COL22A1: variants seen among roughly 807,000 people sequenced by gnomAD.
The protein encoded by COL22A1 is collagen alpha-1(XXII) chain.
A neutral mutation model predicts 248.9 loss-of-function variants in COL22A1; 221 were observed. The ratio of observed to expected loss-of-function variants is 0.89; its 90% CI spans 0.80 to 0.99. The LOEUF (loss-of-function observed/expected upper bound fraction) is 0.99. Ranked by LOEUF, COL22A1 falls within the 50% of genes least tolerant of loss-of-function variation. COL22A1 has a pLI of 0.00. For synonymous variants in COL22A1, 891 were observed against 793.4 expected, an observed-to-expected ratio of 1.12 and a Z score of -2.07; for missense variants, 2,240 against 2,179.0, an observed-to-expected ratio of 1.03 and a Z score of -0.56.
chr8:138,773,303 C>T (rs774177661), intron 16 of COL22A1, among the ~76,000 whole-genome samples: 1 of 152,180 alleles, frequency 6.6e-6, no homozygotes, highest in Non-Finnish European at 1.5e-5. Flanking sequence ...CGGCTTCTGG[C>T]TGCCCCCCGA....
At chr8:138,851,068 C>T (rs1821603810) in intron 3 of COL22A1, among the ~76,000 whole-genome samples, 1 of 152,160 alleles carries the variant, frequency 6.6e-6, no homozygotes, top group African/African-American at 2.4e-5. Flanking sequence ...CACAGAACAG[C>T]ACAGAAGCCA....
chr8:138,734,233 T>A (rs1830935130), intron 23 of COL22A1, among the ~76,000 whole-genome samples: 3 of 152,222 alleles, frequency 2.0e-5, no homozygotes, highest in African/African-American at 7.2e-5. Context: ...CTTGCCTGAA[T>A]AAATATGAGA....
chr8:138,890,355 C>G (rs1334884046), intron 1 of COL22A1, among the ~76,000 whole-genome samples: 2 of 152,142 alleles, frequency 1.3e-5, no homozygotes, highest in African/African-American at 4.8e-5. Context: ...CAACATGCTA[C>G]TGGAAGTTCT....
intron 2 of COL22A1, among the ~76,000 whole-genome samples, chr8:138,878,714 T>C (rs553242677): frequency 6.6e-6 from 1 of 152,284 alleles, no homozygotes; most frequent in Admixed American, 6.5e-5. Context: ...CAAAAGATGT[T>C]TAGATGTTTT....
At chr8:138,635,219 T>C (rs948941021) in intron 48 of COL22A1, among the ~76,000 whole-genome samples, 156 bp from the exon 49 acceptor site, 1 of 152,254 alleles carries the variant, frequency 6.6e-6, no homozygotes, top group African/African-American at 2.4e-5. Flanking sequence ...CTTCTTTTTA[T>C]ATATCTCAAT....
rs574052124 is a variant in COL22A1, at chr8:138,871,346, C to T, written c.658+6404G>A. Among the ~76,000 whole-genome samples the T allele has an allele frequency of 3.9e-5, 6 of 152,320 alleles. No homozygotes were observed. The East Asian group carries it at 1.2e-3, about 29-fold the overall frequency. On this transcript the variant is annotated intron_variant, in intron 3 of 64. Transcript: ENST00000303045. ...CATGGCTGAGCCCCCAGTCCTGCCT[C>T]CTACAGATGAGAACAGTCCTGCTCC... is the stretch of plus-strand genomic sequence containing the variant.
chr8:138,605,003 G>T (rs1024553636), intron 58 of COL22A1, among the ~76,000 whole-genome samples: 3 of 152,136 alleles, frequency 2.0e-5, no homozygotes, highest in Non-Finnish European at 4.4e-5. Context: ...CCTTGTCAAT[G>T]GGATGGATAT....
intron 30 of COL22A1, among the ~76,000 whole-genome samples, chr8:138,710,505 A>G (rs993064638): frequency 8.6e-5 from 13 of 151,972 alleles, no homozygotes; most frequent in Admixed American, 7.2e-4. Context: ...CATTATTTCT[A>G]TTGTTATTTA....
chr8:138,864,859 T>G (rs1415908171), intron 3 of COL22A1, among the ~76,000 whole-genome samples: 3 of 152,118 alleles, frequency 2.0e-5, no homozygotes, highest in African/African-American at 7.2e-5. Context: ...TTCCCCAGAT[T>G]TGGGGGTCCA....
At chr8:138,620,377 A>C (rs558388240) in intron 52 of COL22A1, 4 of 149,852 alleles carry the variant, frequency 2.7e-5, no homozygotes, top group Non-Finnish European at 5.9e-5. Context: ...ATTATTGGGG[A>C]GTGGGGAGAG....
chr8:138,846,058 G>T (rs755990055), intron 3 of COL22A1, among the ~76,000 whole-genome samples: 1 of 152,108 alleles, frequency 6.6e-6, no homozygotes, highest in South Asian at 2.1e-4. Flanking sequence ...TATCCTCAAA[G>T]GCACCACCAG....
At chr8:138,773,360 G>A (rs1185956425) in intron 16 of COL22A1, among the ~76,000 whole-genome samples, 1 of 152,206 alleles carries the variant, frequency 6.6e-6, no homozygotes, top group Non-Finnish European at 1.5e-5. Context: ...AAGGCACTAG[G>A]AGTCTTCGGC....
At chr8:138,724,144 C>A (rs77958895) in intron 25 of COL22A1, among the ~76,000 whole-genome samples, 2 of 152,162 alleles carry the variant, frequency 1.3e-5, no homozygotes, top group Non-Finnish European at 2.9e-5. Context: ...TCTGGGGAGA[C>A]ATTAATGTTT....
chr8:138,703,684 C>T (rs1160372365), intron 30 of COL22A1, among the ~76,000 whole-genome samples: 2 of 152,148 alleles, frequency 1.3e-5, no homozygotes, highest in South Asian at 2.1e-4. Context: ...TGAATAGGAA[C>T]AGCTCCAGTC....
At chr8:138,849,936 A>G (rs1302471374) in intron 3 of COL22A1, among the ~76,000 whole-genome samples, 2 of 152,188 alleles carry the variant, frequency 1.3e-5, no homozygotes, top group Non-Finnish European at 2.9e-5. Context: ...TAATGTCAGC[A>G]TTACACACAG....
chr8:138,773,217 T>G (rs1228957624), intron 16 of COL22A1, among the ~76,000 whole-genome samples: 2 of 152,168 alleles, frequency 1.3e-5, no homozygotes, highest in African/African-American at 4.8e-5. Context: ...GGCCCCTGAG[T>G]GGCCTTCCCC....
chr8:138,754,660 C>T (rs138336236), intron 21 of COL22A1, among the ~76,000 whole-genome samples: 8 of 152,286 alleles, frequency 5.3e-5, no homozygotes, highest in Non-Finnish European at 1.2e-4. Context: ...TTTGGATGGC[C>T]GCTTCCCAAC....
Position 138,737,536 on chromosome 8 carries a change from C to A in COL22A1, c.2127G>T (p.Leu709Phe). Residue 709 changes from leucine to phenylalanine, a missense_variant, in exon 23 of 65, where the codon TTG (leucine) becomes TTT (phenylalanine). Coordinates refer to ENST00000303045, the MANE Select transcript of COL22A1 (RefSeq NM_152888.3). ...GDMGPPGIPG[L>F]LGLQGPPGPP... Reference sequence around the variant, plus strand: ...AAAAGGTAGTTACCTGCAGCCCCAGCAATCCAGGGATTCCAGGTGGTCCCA... The same window carrying A: ...AAAAGGTAGTTACCTGCAGCCCCAGAAATCCAGGGATTCCAGGTGGTCCCA... 1 of 1,610,122 alleles carries A rather than the reference C, an allele frequency of 6.2e-7. No individual in the cohort carries two copies. Among genetic ancestry groups the A allele is most frequent in the Non-Finnish European group, 8.5e-7 (1 of 1,176,478 alleles).
At chr8:138,660,583 A>C in intron 43 of COL22A1, 103 bp from the exon 44 acceptor site, 1 of 1,007,786 alleles carries the variant, frequency 9.9e-7, no homozygotes. Flanking sequence ...AGTGTAACTC[A>C]GTGGGGAAAA....
Sources: gnomAD v4.1 joint callset for allele counts (sites outside exome capture counted in the v4.1 genomes callset) on GRCh38, gnomAD v4.1.1 for gene constraint, MANE v1.5 for transcripts, NCBI Gene and HGNC (gene_info 2026-07-23, HGNC 2026-07-21) for gene names.